NSMCE2: variants seen among roughly 807,000 people sequenced by gnomAD.
NSMCE2 encodes NSE2 SUMO ligase component of SMC5/6 complex, also known as E3 SUMO-protein ligase NSE2.
NSMCE2 carries 24 observed loss-of-function variants against 23.8 expected under a neutral mutation model. That is an observed-to-expected ratio of 1.01 (90% CI 0.73 to 1.42). NSMCE2 has a LOEUF of 1.42. NSMCE2 is among the 40% of genes most tolerant of loss of function. The pLI is 0.00. For synonymous variants in NSMCE2, 92 were observed against 94.1 expected, an observed-to-expected ratio of 0.98 and a Z score of 0.13; for missense variants, 284 against 296.5, an observed-to-expected ratio of 0.96 and a Z score of 0.31.
chr8:125,166,385 G>C (rs530926206), intron 4 of NSMCE2, among the ~76,000 whole-genome samples: 2 of 152,118 alleles, frequency 1.3e-5, no homozygotes, highest in Admixed American at 1.3e-4. Context: ...TTGCGCCTCA[G>C]CCTCCCAAGT....
chr8:125,325,516 A>T (rs4870937), intron 5 of NSMCE2, among the ~76,000 whole-genome samples: 66,128 of 150,668 alleles, frequency 0.44, 16,695 homozygotes, highest in East Asian at 0.55. Flanking sequence ...CACCTGGCTA[A>T]TTTTTTTTTA....
intron 4 of NSMCE2, among the ~76,000 whole-genome samples, chr8:125,174,333 GAATA>G (rs1822369466): frequency 6.6e-6 from 1 of 152,038 alleles, no homozygotes; most frequent in Non-Finnish European, 1.5e-5. Context: ...ATGAATAAAT[GAATA>G]AATAAATAAT....
At chr8:125,206,396 T>C (rs1159760766) in intron 5 of NSMCE2, among the ~76,000 whole-genome samples, 1 of 152,206 alleles carries the variant, frequency 6.6e-6, no homozygotes, top group African/African-American at 2.4e-5. Flanking sequence ...ATTTGAACTT[T>C]AGGAAAGCAA....
intron 5 of NSMCE2, among the ~76,000 whole-genome samples, chr8:125,210,946 TG>T (rs1249262163): frequency 2.0e-5 from 3 of 152,150 alleles, no homozygotes; most frequent in Non-Finnish European, 4.4e-5. Flanking sequence ...TTGGCCAGGC[TG>T]GTCTTGGACC....
intron 5 of NSMCE2, among the ~76,000 whole-genome samples, chr8:125,210,131 C>G (rs994324504): frequency 2.6e-5 from 4 of 152,190 alleles, no homozygotes; most frequent in African/African-American, 7.2e-5. Context: ...CTAAACCTCT[C>G]TATACCTCAG....
chr8:125,115,761 T>C (rs1257463235), intron 3 of NSMCE2, among the ~76,000 whole-genome samples: 1 of 152,186 alleles, frequency 6.6e-6, no homozygotes, highest in Non-Finnish European at 1.5e-5. Flanking sequence ...AATAAATCTT[T>C]CATGGCCATT....
chr8:125,266,895 T>C (rs1307852127), intron 5 of NSMCE2, among the ~76,000 whole-genome samples: 1 of 152,160 alleles, frequency 6.6e-6, no homozygotes, highest in African/African-American at 2.4e-5. Context: ...CACTATGTCC[T>C]TGGGAATATC....
intron 4 of NSMCE2, among the ~76,000 whole-genome samples, chr8:125,180,312 G>C (rs991377551): frequency 1.3e-5 from 2 of 152,116 alleles, no homozygotes; most frequent in African/African-American, 4.8e-5. Context: ...TGTCATTAAA[G>C]CCTCTCCATG....
intron 4 of NSMCE2, among the ~76,000 whole-genome samples, chr8:125,178,445 T>C (rs1254345878): frequency 1.3e-5 from 2 of 152,238 alleles, no homozygotes; most frequent in Non-Finnish European, 2.9e-5. Context: ...CAGTAACTTC[T>C]CTCATTTTTA....
At chr8:125,329,285 T>G (rs1215746075) in intron 5 of NSMCE2, among the ~76,000 whole-genome samples, 1 of 152,170 alleles carries the variant, frequency 6.6e-6, no homozygotes, top group Non-Finnish European at 1.5e-5. Context: ...CCTTGCAGTT[T>G]CAGCCCAGGT....
At chr8:125,301,475 TG>T (rs1304729105) in intron 5 of NSMCE2, among the ~76,000 whole-genome samples, 2 of 151,608 alleles carry the variant, frequency 1.3e-5, no homozygotes, top group Non-Finnish European at 2.9e-5. Flanking sequence ...GAGGTGGCGG[TG>T]GGGTGGTGGT....
chr8:125,313,638 G>T (rs778483726), intron 5 of NSMCE2, among the ~76,000 whole-genome samples: 3 of 152,034 alleles, frequency 2.0e-5, no homozygotes, highest in Non-Finnish European at 4.4e-5. Flanking sequence ...CCTCAAAATC[G>T]GTCATCCTGT....
chr8:125,357,306 G>A lies in NSMCE2; in HGVS notation c.506G>A (p.Cys169Tyr). Reference sequence around the variant, plus strand: ...ACCCAAAGTCAGACCAACTTCACCTGCCCCATTACAAAGGTACCGCTTCCT... The same window carrying A: ...ACCCAAAGTCAGACCAACTTCACCTACCCCATTACAAAGGTACCGCTTCCT... Reference protein sequence around the residue: ...IVTQSQTNFTCPITKEEMKKP... With the variant: ...IVTQSQTNFTYPITKEEMKKP... Residue 169 changes from cysteine to tyrosine, a missense_variant, in exon 6 of 8, where the codon TGC becomes TAC. Cys to Tyr is a radical substitution (Grantham distance 194, BLOSUM62 -2). This residue lies in a region of NSMCE2 where 102 missense variants were observed against 141.0 expected (regional missense o/e 0.72). Transcript: ENST00000287437. 6.2e-7 allele frequency: 1 copy of A among 1,603,588 alleles called. No individual in the cohort carries two copies. The highest frequency in any genetic ancestry group is 8.5e-7 in the Non-Finnish European group (1 of 1,170,312).
rs1485412189 is a variant in NSMCE2 at position 125,164,890 on chromosome 8, C to A, written c.264+13613C>A. On this transcript the variant is annotated intron_variant, in intron 4 of 7. Transcript: ENST00000287437. ...TATGAGCCAGGCAGTATTCAGTTAT[C>A]TCCGGTTGAATAATTGTTTTCTTCT... 2.6e-5 allele frequency among the ~76,000 whole-genome samples: 4 copies of A among 152,188 alleles called. No individual in the cohort carries two copies. The East Asian group carries it at 7.7e-4, about 29-fold the overall frequency.
At chr8:125,111,142 A>T (rs906337322) in intron 3 of NSMCE2, among the ~76,000 whole-genome samples, 1 of 152,124 alleles carries the variant, frequency 6.6e-6, no homozygotes, top group African/African-American at 2.4e-5. Context: ...CTTTTGTCTT[A>T]CCTTAATCCC....
chr8:125,332,674 T>C (rs1193166560), intron 5 of NSMCE2, among the ~76,000 whole-genome samples: 2 of 152,234 alleles, frequency 1.3e-5, no homozygotes, highest in Admixed American at 6.5e-5. Flanking sequence ...ACAGAATGCT[T>C]TGTACACTGC....
chr8:125,257,656 C>T (rs991135235), intron 5 of NSMCE2, among the ~76,000 whole-genome samples: 10 of 151,646 alleles, frequency 6.6e-5, no homozygotes, highest in Non-Finnish European at 1.3e-4. Flanking sequence ...GCCTCAGCCT[C>T]CCGAGTAGCT....
At chr8:125,274,377 A>G (rs1042561647) in intron 5 of NSMCE2, among the ~76,000 whole-genome samples, 2 of 152,130 alleles carry the variant, frequency 1.3e-5, no homozygotes, top group Non-Finnish European at 2.9e-5. Context: ...CTGTCACCTC[A>G]GTGATTTTTT....
At chr8:125,205,135 T>G (rs1167147213) in intron 5 of NSMCE2, among the ~76,000 whole-genome samples, 1 of 152,220 alleles carries the variant, frequency 6.6e-6, no homozygotes, top group African/African-American at 2.4e-5. Flanking sequence ...ATTCTACCCC[T>G]CTTTCTCTTC....
Sources: gnomAD v4.1 joint callset for allele counts (sites outside exome capture counted in the v4.1 genomes callset) on GRCh38, gnomAD v4.1.1 for gene constraint, gnomAD v4.1.1 regional missense constraint, MANE v1.5 for transcripts, NCBI Gene and HGNC (gene_info 2026-07-23, HGNC 2026-07-21) for gene names.